Variants in OR2L13 observed in about 807,000 individuals in gnomAD.
The protein encoded by OR2L13 is olfactory receptor 2L13.
A neutral mutation model predicts 15.3 loss-of-function variants in OR2L13; 14 were observed. The ratio of observed to expected loss-of-function variants is 0.91; its 90% CI spans 0.60 to 1.43. The LOEUF is 1.43. OR2L13 is among the 40% of genes most tolerant of loss of function. The pLI, the probability that OR2L13 is intolerant of heterozygous loss-of-function variation, is 0.00. For synonymous variants in OR2L13, 152 were observed against 142.9 expected (o/e 1.06, Z -0.45); for missense variants, 367 against 387.9 (o/e 0.95, Z 0.45).
In OR2L13 at chr1:248,099,552, C is replaced by A; in HGVS notation, c.177C>A (p.Tyr59Ter). 4 of 1,614,128 alleles carry A rather than the reference C, an allele frequency of 2.5e-6. No individual in the cohort carries two copies. Among genetic ancestry groups the A allele is most frequent in the Non-Finnish European group, 3.4e-6 (4 of 1,180,018 alleles). Residue 59 changes from tyrosine to a stop codon, truncating the protein, a stop_gained, in exon 3 of 3, where the codon TAC becomes TAA. Transcript: ENST00000641714. LOFTEE classifies it high-confidence loss of function. ...ATCCTCGTCTCCACACACCGATGTA[C>A]TTTCTTCTCAGCCAGCTCTCCCTTA...
chr1:247,967,792 AT>A, the OR2L13 span, among the ~76,000 whole-genome samples: 2 of 152,154 alleles, frequency 1.3e-5, no homozygotes, highest in African/African-American at 4.8e-5. Context: ...TTATTAAAAA[AT>A]AATTTCACAA....
chr1:248,061,444 G>A, the OR2L13 span: 17 of 1,613,546 alleles, frequency 1.1e-5, 1 homozygote, highest in African/African-American at 1.3e-5. Flanking sequence ...TGCACCTTTT[G>A]TCTACACTTA....
the OR2L13 span, chr1:248,038,555 T>C: frequency 6.2e-7 from 1 of 1,614,208 alleles, no homozygotes; most frequent in Non-Finnish European, 8.5e-7. Context: ...TCACTGGATG[T>C]GGGATTCAGA....
upstream of OR2L13, among the ~76,000 whole-genome samples, chr1:248,093,185 G>T (rs1406371235): frequency 6.6e-6 from 1 of 152,138 alleles, no homozygotes; most frequent in Non-Finnish European, 1.5e-5. Context: ...AAGAGATGTG[G>T]AAGTGGGGTA....
the OR2L13 span, among the ~76,000 whole-genome samples, chr1:247,997,695 C>A: frequency 2.0e-5 from 3 of 152,228 alleles, no homozygotes; most frequent in African/African-American, 4.8e-5. Context: ...ATATTTGTTT[C>A]TTTCTCCACT....
chr1:247,990,321 C>A, the OR2L13 span: 1 of 1,311,626 alleles, frequency 7.6e-7, no homozygotes, highest in Non-Finnish European at 1.1e-6. Flanking sequence ...ATTGTCGCCA[C>A]CACCAAAAAT....
chr1:248,038,530 A>G, the OR2L13 span: 3 of 1,614,154 alleles, frequency 1.9e-6, no homozygotes, highest in Non-Finnish European at 2.5e-6. Context: ...CTGTATGGAA[A>G]CAAGTCTATC....
chr1:247,956,964 A>G, the OR2L13 span, among the ~76,000 whole-genome samples: 2 of 152,146 alleles, frequency 1.3e-5, no homozygotes, highest in African/African-American at 2.4e-5. Context: ...TGCCCTGGCC[A>G]GAACTTCCAA....
chr1:248,027,480 C>G, the OR2L13 span, among the ~76,000 whole-genome samples: 9 of 152,270 alleles, frequency 5.9e-5, no homozygotes, highest in South Asian at 1.7e-3. Context: ...TTTTGAAAAT[C>G]GCTAATAAAA....
the OR2L13 span, among the ~76,000 whole-genome samples, chr1:248,005,654 C>A: frequency 6.6e-6 from 1 of 152,154 alleles, no homozygotes; most frequent in African/African-American, 2.4e-5. Context: ...ATTAATTATT[C>A]AATCCATGAG....
the OR2L13 span, chr1:248,023,947 G>A: frequency 5.9e-5 from 9 of 151,992 alleles, no homozygotes. Flanking sequence ...TCTTCACTCT[G>A]GAAATATAAT....
the OR2L13 span, chr1:248,003,084 C>T: frequency 1.1e-6 from 1 of 940,668 alleles, no homozygotes. Flanking sequence ...GAATTTCTGT[C>T]TTAACTTACT....
chr1:248,064,945 G>A, the OR2L13 span, among the ~76,000 whole-genome samples: 2,042 of 152,234 alleles, frequency 0.013, 28 homozygotes, highest in Middle Eastern at 0.034. Context: ...CAATAAGCTC[G>A]TCCCCACTGA....
chr1:248,001,934 A>T, the OR2L13 span, among the ~76,000 whole-genome samples: 1 of 152,178 alleles, frequency 6.6e-6, no homozygotes, highest in African/African-American at 2.4e-5. Flanking sequence ...AATACAAATG[A>T]TAGAAATGTT....
At chr1:247,967,355 A>G in the OR2L13 span, among the ~76,000 whole-genome samples, 1 of 151,840 alleles carries the variant, frequency 6.6e-6, no homozygotes, top group Admixed American at 6.6e-5. Flanking sequence ...CAGGCTCCCA[A>G]ATAGTTGAGA....
At chr1:248,081,452 T>G in the OR2L13 span, among the ~76,000 whole-genome samples, 959 of 152,276 alleles carry the variant, frequency 6.3e-3, 7 homozygotes, top group Admixed American at 0.016. Context: ...TGGTTAGAAT[T>G]TTTTATTCTT....
At chr1:247,971,784 A>G in the OR2L13 span, among the ~76,000 whole-genome samples, 26 of 152,326 alleles carry the variant, frequency 1.7e-4, no homozygotes, top group African/African-American at 6.3e-4. Context: ...AGACATCTAC[A>G]GAACTCTCCA....
At chr1:247,956,519 A>G in the OR2L13 span, among the ~76,000 whole-genome samples, 1 of 150,728 alleles carries the variant, frequency 6.6e-6, no homozygotes, top group African/African-American at 2.4e-5. Flanking sequence ...CATTGAATCT[A>G]TAAATTACCT....
chr1:247,958,070 T>G, the OR2L13 span, among the ~76,000 whole-genome samples: 2 of 152,220 alleles, frequency 1.3e-5, no homozygotes, highest in Non-Finnish European at 2.9e-5. Flanking sequence ...CTTTCTCTTG[T>G]GGGCATTTAG....
Sources: allele counts gnomAD v4.1 joint callset (sites outside exome capture counted in the v4.1 genomes callset), GRCh38; gene constraint gnomAD v4.1.1; transcripts MANE v1.5; gene names NCBI Gene and HGNC (gene_info 2026-07-23, HGNC 2026-07-21).